Variants in RGS6 observed in about 807,000 individuals in gnomAD.
RGS6 encodes the protein regulator of G protein signaling 6, also known as regulator of G-protein signaling 6.
In RGS6, 30 loss-of-function variants were observed where a neutral mutation model predicts 78.5. The ratio of observed to expected loss-of-function variants is 0.38; its 90% CI spans 0.29 to 0.52. RGS6 has a LOEUF of 0.52. RGS6 is among the 20% of genes least tolerant of loss of function. The probability of loss-of-function intolerance (pLI) is 0.85; values close to 1 mark genes in which losing one functional copy is unlikely to be tolerated. For missense variants in RGS6, 495 were observed against 609.7 expected (o/e 0.81, Z 1.98); for synonymous variants, 206 against 206.0 (o/e 1.00, Z 0.00).
At chr14:72,194,170 G>A (rs1344946602) in intron 2 of RGS6, among the ~76,000 whole-genome samples, 1 of 152,040 alleles carries the variant, frequency 6.6e-6, no homozygotes, top group Non-Finnish European at 1.5e-5. Context: ...TATTTTGAAG[G>A]CGGAGTTCAT....
chr14:72,232,744 G>C (rs897144325), intron 2 of RGS6, among the ~76,000 whole-genome samples: 4 of 152,178 alleles, frequency 2.6e-5, no homozygotes, highest in East Asian at 1.9e-4. Flanking sequence ...AGCAGGCACT[G>C]TGGGGAGTGT....
intron 3 of RGS6, among the ~76,000 whole-genome samples, chr14:72,444,347 G>A (rs2095302738): frequency 6.6e-6 from 1 of 152,060 alleles, no homozygotes; most frequent in Non-Finnish European, 1.5e-5. Flanking sequence ...AGAGAATGGG[G>A]AAGTGCACAG....
At chr14:71,903,402 A>G in the RGS6 span, among the ~76,000 whole-genome samples, 3 of 152,228 alleles carry the variant, frequency 2.0e-5, no homozygotes, top group African/African-American at 7.2e-5. Flanking sequence ...TCTTCAACCC[A>G]CATTTTGAAA....
the RGS6 span, among the ~76,000 whole-genome samples, chr14:72,621,781 A>G: frequency 2.6e-5 from 4 of 152,220 alleles, no homozygotes; most frequent in Non-Finnish European, 4.4e-5. Context: ...CCATTTAAGC[A>G]TCATTGATTA....
intron 1 of RGS6, among the ~76,000 whole-genome samples, chr14:71,949,551 A>C (rs544283445): frequency 7.2e-5 from 11 of 152,292 alleles, no homozygotes; most frequent in African/African-American, 2.6e-4. Context: ...TTCTTTTAAA[A>C]ACAAATTTTT....
chr14:71,935,575 G>A (rs1200865771), intron 1 of RGS6, among the ~76,000 whole-genome samples: 1 of 152,022 alleles, frequency 6.6e-6, no homozygotes, highest in African/African-American at 2.4e-5. Context: ...TCTGTTCTTT[G>A]AAAACAAGTG....
At chr14:72,496,083 T>A (rs1221344666) in intron 13 of RGS6, among the ~76,000 whole-genome samples, 1 of 152,222 alleles carries the variant, frequency 6.6e-6, no homozygotes, top group African/African-American at 2.4e-5. Context: ...ATGGAAAAAA[T>A]CTTATAAAAA....
intron 2 of RGS6, among the ~76,000 whole-genome samples, chr14:72,289,430 C>G (rs796740042): frequency 3.3e-5 from 5 of 152,154 alleles, no homozygotes; most frequent in African/African-American, 9.6e-5. Context: ...GGAACCCAAT[C>G]TGTGTCCATG....
At position 72,262,041 on chromosome 14, in the gene RGS6, C is replaced by CT. The variant is rs1304796734; in HGVS notation, c.85-90043dup. Among the ~76,000 whole-genome samples, 585 of 145,028 alleles carry CT rather than the reference C, an allele frequency of 4.0e-3. 3 individuals carry two copies. Among genetic ancestry groups the CT allele is most frequent in the African/African-American group, 0.013 (527 of 39,736 alleles). ...CATTAACCTACAACATCTTGGATTG[C>CT]TTTTTTTTTTTAATTGCATTAGTCA... On this transcript the variant is annotated intron_variant, in intron 2 of 17. Transcript: ENST00000553525.
rs1352395741 is a variant in RGS6, at chr14:71,984,915, G to GA, written c.84+20046dup. ...AGAAAGAATCAAAATATAAAGTAGA[G>GA]AAAAAATCTCACATATTCCTATCAT... On this transcript the variant is annotated intron_variant, in intron 2 of 17. Coordinates refer to ENST00000553525, the MANE Select transcript of RGS6 (RefSeq NM_001204424.2). Among the ~76,000 whole-genome samples the GA allele has an allele frequency of 1.4e-4, 22 of 152,048 alleles. No individual in the cohort carries two copies. The South Asian group carries it at 1.7e-3, about 11-fold the overall frequency.
Position 72,474,699 on chromosome 14 carries a change from G to C in RGS6, c.693G>C (p.Lys231Asn), listed in dbSNP as rs750426206. Reference sequence around the variant, plus strand: ...TGAAGAATCCACAAAAGGTTAAAAAGGTTCGCTAGTTTAGCTGAGTTAAAA... The same window carrying C: ...TGAAGAATCCACAAAAGGTTAAAAACGTTCGCTAGTTTAGCTGAGTTAAAA... ...RRLKNPQKVK[K>N]SVYGVTEESQ... Residue 231 changes from lysine (K) to asparagine (N), a missense_variant and splice_region_variant, in exon 10 of 18, where the codon AAG (lysine) becomes AAC (asparagine). Lys to Asn is a moderately conservative substitution (Grantham distance 94, BLOSUM62 0). Coordinates refer to ENST00000553525, the MANE Select transcript of RGS6 (RefSeq NM_001204424.2). The C allele has an allele frequency of 1.2e-6, 2 of 1,612,966 alleles. No homozygotes were observed. The highest frequency in any genetic ancestry group is 1.7e-6 in the Non-Finnish European group (2 of 1,179,554).
chr14:72,070,037 CT>C (rs938532758), intron 2 of RGS6, among the ~76,000 whole-genome samples: 10 of 152,054 alleles, frequency 6.6e-5, no homozygotes, highest in Non-Finnish European at 4.4e-5. Flanking sequence ...CTAAAAATGT[CT>C]TTATTTTGCC....
intron 2 of RGS6, among the ~76,000 whole-genome samples, chr14:72,147,653 T>C (rs915282480): frequency 1.3e-5 from 2 of 152,142 alleles, no homozygotes; most frequent in Admixed American, 6.6e-5. Flanking sequence ...TACAGAATTA[T>C]ATTGCAGATA....
At chr14:71,899,521 G>A in the RGS6 span, among the ~76,000 whole-genome samples, 20 of 152,134 alleles carry the variant, frequency 1.3e-4, no homozygotes, top group Non-Finnish European at 2.8e-4. Flanking sequence ...TCAGTTTTAG[G>A]GATAGGTCCT....
At chr14:72,293,221 G>A (rs2063971438) in intron 2 of RGS6, among the ~76,000 whole-genome samples, 1 of 152,250 alleles carries the variant, frequency 6.6e-6, no homozygotes, top group East Asian at 1.9e-4. Flanking sequence ...GTCTATTTTG[G>A]TTCATTCTTT....
intron 13 of RGS6, among the ~76,000 whole-genome samples, chr14:72,498,808 A>G (rs1262769156): frequency 1.3e-5 from 2 of 152,156 alleles, no homozygotes; most frequent in Admixed American, 6.5e-5. Context: ...ACAGTTTAAG[A>G]AGTCCTGGTT....
intron 2 of RGS6, among the ~76,000 whole-genome samples, chr14:72,145,300 G>C (rs539416591): frequency 2.0e-5 from 3 of 152,144 alleles, no homozygotes; most frequent in Non-Finnish European, 4.4e-5. Flanking sequence ...AGGCAAGAAG[G>C]GGGTCTACGT....
intron 2 of RGS6, among the ~76,000 whole-genome samples, chr14:72,284,546 T>G (rs1447194736): frequency 6.6e-6 from 1 of 152,212 alleles, no homozygotes; most frequent in East Asian, 1.9e-4. Flanking sequence ...CTGCCTAGAT[T>G]TCAGAGGATA....
chr14:72,395,408 T>C (rs1280272375), intron 3 of RGS6, among the ~76,000 whole-genome samples: 2 of 152,180 alleles, frequency 1.3e-5, no homozygotes, highest in Admixed American at 1.3e-4. Flanking sequence ...AATCATACTC[T>C]AATGCCATTT....
Sources: gnomAD v4.1 joint callset for allele counts (sites outside exome capture counted in the v4.1 genomes callset) on GRCh38, gnomAD v4.1.1 for gene constraint, MANE v1.5 for transcripts, NCBI Gene and HGNC (gene_info 2026-07-23, HGNC 2026-07-21) for gene names.